Variants in PBX3 observed in about 807,000 individuals in gnomAD.
PBX3 encodes pre-B-cell leukemia transcription factor 3.
In PBX3, 14 loss-of-function variants were observed where a neutral mutation model predicts 48.5. The observed-to-expected ratio is 0.29, with a 90% CI of 0.19 to 0.45. The LOEUF is 0.45. Among genes scored for constraint, PBX3 ranks in the 20% least tolerant of loss-of-function variants. The probability of loss-of-function intolerance (pLI) is 1.00; values close to 1 mark genes in which losing one functional copy is unlikely to be tolerated. For synonymous variants in PBX3, 210 were observed against 200.3 expected (o/e 1.05, Z -0.41); for missense variants, 386 against 546.7 (o/e 0.71, Z 2.93).
intron 2 of PBX3, among the ~76,000 whole-genome samples, chr9:125,765,037 T>G (rs1185693506): frequency 6.6e-6 from 1 of 152,150 alleles, no homozygotes; most frequent in Admixed American, 6.5e-5. Context: ...AAACTTTGAA[T>G]TACCTTATTT....
intron 2 of PBX3, among the ~76,000 whole-genome samples, chr9:125,784,210 C>G (rs1837399952): frequency 6.6e-6 from 1 of 152,122 alleles, no homozygotes; most frequent in African/African-American, 2.4e-5. Context: ...CTCACTGCAA[C>G]CTCTGCCTCC....
At chr9:125,820,483 G>T (rs1260446101) in intron 2 of PBX3, among the ~76,000 whole-genome samples, 1 of 152,156 alleles carries the variant, frequency 6.6e-6, no homozygotes, top group East Asian at 1.9e-4. Flanking sequence ...AGTATAGTGG[G>T]ACTTACTGGC....
chr9:125,810,628 A>AT (rs1368245870), intron 2 of PBX3, among the ~76,000 whole-genome samples: 4 of 152,092 alleles, frequency 2.6e-5, no homozygotes, highest in Admixed American at 6.6e-5. Flanking sequence ...GCATCTTTTG[A>AT]TTATTTGTCC....
chr9:125,811,597 A>G (rs1245795323), intron 2 of PBX3, among the ~76,000 whole-genome samples: 1 of 152,174 alleles, frequency 6.6e-6, no homozygotes, highest in Non-Finnish European at 1.5e-5. Flanking sequence ...GCCATGTGGA[A>G]CTGTGAGTCA....
intron 2 of PBX3, among the ~76,000 whole-genome samples, chr9:125,801,794 C>T (rs1588160087): frequency 7.1e-6 from 1 of 141,500 alleles, no homozygotes; most frequent in African/African-American, 2.5e-5. Context: ...TACACATACA[C>T]ACACACACAC....
intron 2 of PBX3, among the ~76,000 whole-genome samples, chr9:125,872,580 G>A (rs1391123593): frequency 2.0e-5 from 3 of 151,856 alleles, no homozygotes; most frequent in African/African-American, 4.8e-5. Flanking sequence ...GCAACATAGC[G>A]AGACCCCCAT....
At chr9:125,748,196 C>G in intron 1 of PBX3, 6 of 986,238 alleles carry the variant, frequency 6.1e-6, no homozygotes, top group Non-Finnish European at 7.2e-6. Context: ...GTCGGCCGGC[C>G]TCCTCTGCAC....
chr9:125,865,610 G>A (rs1839960643), intron 2 of PBX3, among the ~76,000 whole-genome samples: 1 of 152,044 alleles, frequency 6.6e-6, no homozygotes, highest in Non-Finnish European at 1.5e-5. Flanking sequence ...AGCCCCAATG[G>A]GAATTTCAGT....
intron 2 of PBX3, among the ~76,000 whole-genome samples, chr9:125,805,427 G>A (rs1161934380): frequency 6.6e-6 from 1 of 152,178 alleles, no homozygotes; most frequent in Non-Finnish European, 1.5e-5. Flanking sequence ...GTTTTTAACA[G>A]GGGAGGCACA....
chr9:125,935,962 A>T (rs1430231458), intron 5 of PBX3, among the ~76,000 whole-genome samples: 1 of 152,204 alleles, frequency 6.6e-6, no homozygotes, highest in African/African-American at 2.4e-5. Context: ...AGCTTCTACC[A>T]GCAAGAAACC....
chr9:125,803,584 A>G (rs1343166267), intron 2 of PBX3, among the ~76,000 whole-genome samples: 2 of 152,204 alleles, frequency 1.3e-5, no homozygotes, highest in Non-Finnish European at 2.9e-5. Flanking sequence ...CTTTCAATCC[A>G]GGATTTTCTG....
intron 2 of PBX3, among the ~76,000 whole-genome samples, chr9:125,785,538 A>AGGCT (rs1347118343): frequency 6.6e-6 from 1 of 152,172 alleles, no homozygotes; most frequent in Non-Finnish European, 1.5e-5. Flanking sequence ...CACAGACTGA[A>AGGCT]GGCTGCACTG....
chr9:125,772,215 G>A (rs758158363), intron 2 of PBX3, among the ~76,000 whole-genome samples: 2 of 151,914 alleles, frequency 1.3e-5, no homozygotes, highest in Non-Finnish European at 2.9e-5. Context: ...GAATAATAAG[G>A]TGATTTTCAA....
intron 2 of PBX3, among the ~76,000 whole-genome samples, chr9:125,811,921 A>G (rs1564668203): frequency 6.6e-6 from 1 of 152,158 alleles, no homozygotes; most frequent in Non-Finnish European, 1.5e-5. Flanking sequence ...CCATTGTGGT[A>G]GTATTAAGGG....
At chr9:125,862,503 C>T (rs1052625665) in intron 2 of PBX3, among the ~76,000 whole-genome samples, 3 of 152,170 alleles carry the variant, frequency 2.0e-5, no homozygotes, top group Admixed American at 6.5e-5. Context: ...TCTCCTGCCT[C>T]AGCCTCCTAA....
At chr9:125,774,672 T>A (rs1335222916) in intron 2 of PBX3, among the ~76,000 whole-genome samples, 1 of 146,812 alleles carries the variant, frequency 6.8e-6, no homozygotes, top group Non-Finnish European at 1.5e-5. Flanking sequence ...TTTTTTTTTT[T>A]ACTTTTTGGC....
chr9:125,874,753 T>C (rs1433442668), intron 2 of PBX3, among the ~76,000 whole-genome samples: 1 of 152,168 alleles, frequency 6.6e-6, no homozygotes, highest in Non-Finnish European at 1.5e-5. Flanking sequence ...TATAAATTGG[T>C]ACAACTATTG....
At chr9:125,935,654 A>T (rs757753573) in intron 5 of PBX3, 47 bp downstream of exon 5, 2 of 1,537,548 alleles carry the variant, frequency 1.3e-6, no homozygotes, top group Non-Finnish European at 1.8e-6. Context: ...GGAGACAGGA[A>T]CCTCATTCCT....
intron 2 of PBX3, among the ~76,000 whole-genome samples, chr9:125,822,793 T>C (rs771178096): frequency 2.0e-5 from 3 of 152,098 alleles, no homozygotes; most frequent in Non-Finnish European, 4.4e-5. Flanking sequence ...GTATAGTAGC[T>C]TATTATATTG....
Sources: allele counts gnomAD v4.1 joint callset (sites outside exome capture counted in the v4.1 genomes callset), GRCh38; gene constraint gnomAD v4.1.1; transcripts MANE v1.5; gene names NCBI Gene and HGNC (gene_info 2026-07-23, HGNC 2026-07-21).